YTHDF2: variants seen among roughly 807,000 people sequenced by gnomAD.
YTHDF2 encodes YTH domain-containing family protein 2.
A neutral mutation model predicts 50.4 loss-of-function variants in YTHDF2; 2 were observed. The ratio of observed to expected loss-of-function variants is 0.04; its 90% CI spans 0.02 to 0.12. The LOEUF (loss-of-function observed/expected upper bound fraction) is 0.12. YTHDF2 is among the 10% of genes least tolerant of loss of function. YTHDF2 has a pLI of 1.00. For missense variants in YTHDF2, 483 were observed against 722.6 expected (o/e 0.67, Z 3.80); for synonymous variants, 217 against 255.6 (o/e 0.85, Z 1.44).
intron 4 of YTHDF2, among the ~76,000 whole-genome samples, chr1:28,758,842 G>A (rs2088072901): frequency 1.3e-5 from 2 of 152,098 alleles, no homozygotes; most frequent in Admixed American, 6.6e-5. Context: ...GGGGAAGTAC[G>A]GTGGACCTGG....
chr1:28,753,487 G>A (rs1051361114), intron 4 of YTHDF2, among the ~76,000 whole-genome samples: 109 of 150,518 alleles, frequency 7.2e-4, no homozygotes, highest in African/African-American at 2.3e-3. Context: ...CGTCAAGTCT[G>A]CAGTGAGTCA....
At chr1:28,760,965 C>A (rs2124201697) in intron 4 of YTHDF2, among the ~76,000 whole-genome samples, 1 of 152,232 alleles carries the variant, frequency 6.6e-6, no homozygotes, top group South Asian at 2.1e-4. Flanking sequence ...TTTGTTTACA[C>A]CGCATTACCA....
chr1:28,743,913 A>G lies in YTHDF2; in HGVS notation c.1643A>G (p.Lys548Arg), dbSNP rs367798965. ...KQVLKIIASY[K>R]HTTSIFDDFS... is the part of the protein sequence containing the mutation. Reference sequence around the variant, plus strand: ...GTGTTGAAAATTATAGCCAGCTACAAGCACACCACTTCCATTTTTGATGAC... The same window carrying G: ...GTGTTGAAAATTATAGCCAGCTACAGGCACACCACTTCCATTTTTGATGAC... Residue 548 changes from lysine to arginine, a missense_variant, in exon 4 of 5, where the codon AAG (lysine) becomes AGG (arginine). This residue lies in a region of YTHDF2 where 38 missense variants were observed against 60.1 expected (regional missense o/e 0.63). Coordinates refer to ENST00000373812, the MANE Select transcript of YTHDF2 (RefSeq NM_016258.3). This position sits in a 1 kb window ranked among gnomAD's most constrained non-coding sequence, Gnocchi z 6.9. 245 of 1,598,930 alleles carry G rather than the reference A, an allele frequency of 1.5e-4. No individual in the cohort carries two copies. The highest frequency in any genetic ancestry group is 2.1e-4 in the Non-Finnish European group (241 of 1,174,308).
intron 4 of YTHDF2, among the ~76,000 whole-genome samples, chr1:28,763,300 G>A (rs2088161917): frequency 6.6e-6 from 1 of 151,682 alleles, no homozygotes; most frequent in African/African-American, 2.4e-5. Context: ...TTGAGACAGA[G>A]TTTTGCTCTT....
Position 28,769,411 on chromosome 1 carries a change from C to T in YTHDF2, c.*459C>T, listed in dbSNP as rs1257282325. 5 of 152,992 alleles carry T rather than the reference C, an allele frequency of 3.3e-5. No individual in the cohort carries two copies. Among genetic ancestry groups the T allele is most frequent in the Non-Finnish European group, 7.3e-5 (5 of 68,344 alleles). 9.5% of individuals were successfully genotyped at this position (152,992 alleles called of 1,614,324 possible). On this transcript the variant is annotated 3_prime_UTR_variant, in exon 5 of 5. Coordinates refer to ENST00000373812, the MANE Select transcript of YTHDF2 (RefSeq NM_016258.3). Reference sequence around the variant, plus strand: ...AAAGTGGGAATTTGATTTTATCCTTCCGAACTGGAAGAACATTTTTATGAA... The same window carrying T: ...AAAGTGGGAATTTGATTTTATCCTTTCGAACTGGAAGAACATTTTTATGAA...
intron 4 of YTHDF2, among the ~76,000 whole-genome samples, chr1:28,755,735 T>A (rs979444494): frequency 3.9e-5 from 6 of 152,178 alleles, no homozygotes; most frequent in African/African-American, 9.7e-5. Context: ...TATTCCTAAT[T>A]TGAAAATCTG....
rs199600184 is a variant in YTHDF2 at position 28,768,993 on chromosome 1, A to G, written c.*41A>G. On this transcript the variant is annotated 3_prime_UTR_variant, in exon 5 of 5. Transcript: ENST00000373812. Reference sequence around the variant, plus strand: ...AGACTGCAGCAACGGTTGCATCTGCATATCCTAAGAGGAAAAAATGACCTT... The same window carrying G: ...AGACTGCAGCAACGGTTGCATCTGCGTATCCTAAGAGGAAAAAATGACCTT... 8.9e-5 allele frequency: 136 copies of G among 1,528,592 alleles called. No homozygotes were observed. The highest frequency in any genetic ancestry group is 1.1e-4 in the Non-Finnish European group (125 of 1,132,650). The allele number at this position is 1,528,592 out of a possible 1,614,324, so 94.7% of individuals were successfully genotyped here.
intron 4 of YTHDF2, among the ~76,000 whole-genome samples, chr1:28,754,887 G>C (rs188098125): frequency 2.7e-5 from 4 of 145,466 alleles, no homozygotes; most frequent in African/African-American, 1.0e-4. Context: ...TGAGGGATGA[G>C]AATCACTTGA....
chr1:28,737,727 G>T, intron 2 of YTHDF2, 45 bp downstream of exon 2: 2 of 1,604,218 alleles, frequency 1.2e-6, no homozygotes, highest in South Asian at 1.1e-5. Context: ...AGGGGGACGC[G>T]GGGCGGTGGG....
chr1:28,747,073 ACT>A (rs971721536), intron 4 of YTHDF2, among the ~76,000 whole-genome samples: 4 of 150,974 alleles, frequency 2.6e-5, no homozygotes, highest in South Asian at 4.2e-4. Context: ...CAAGAGTGAA[ACT>A]CTGTCTCAAA....
intron 4 of YTHDF2, among the ~76,000 whole-genome samples, chr1:28,747,735 A>G (rs1388140990): frequency 6.6e-6 from 1 of 151,368 alleles, no homozygotes; most frequent in East Asian, 2.0e-4. Flanking sequence ...ACTCTTGATA[A>G]GTGAGTATCC....
At chr1:28,749,335 G>A (rs920854032) in intron 4 of YTHDF2, among the ~76,000 whole-genome samples, 2 of 151,876 alleles carry the variant, frequency 1.3e-5, no homozygotes, top group Non-Finnish European at 1.5e-5. Context: ...GGGACTACAG[G>A]CGTCCGGCTA....
At chr1:28,768,457 C>A (rs988647006) in intron 4 of YTHDF2, among the ~76,000 whole-genome samples, 1 of 151,802 alleles carries the variant, frequency 6.6e-6, no homozygotes, top group Non-Finnish European at 1.5e-5. Context: ...TTCTCCATAA[C>A]CCTGTGAGAT....
At chr1:28,751,445 A>G (rs1203148046) in intron 4 of YTHDF2, among the ~76,000 whole-genome samples, 1 of 152,190 alleles carries the variant, frequency 6.6e-6, no homozygotes, top group Non-Finnish European at 1.5e-5. Flanking sequence ...CAGGATGACA[A>G]ACATGAGCAT....
chr1:28,753,816 C>T (rs919744010), intron 4 of YTHDF2, among the ~76,000 whole-genome samples: 1 of 151,494 alleles, frequency 6.6e-6, no homozygotes, highest in African/African-American at 2.4e-5. Context: ...AAGCGATTCT[C>T]CTGCCTCAGC....
At chr1:28,737,931 C>G (rs902425269) in intron 2 of YTHDF2, 3 of 587,312 alleles carry the variant, frequency 5.1e-6, no homozygotes, top group Non-Finnish European at 9.0e-6. Flanking sequence ...CCTTAGTTTC[C>G]TGTAGGTCTT....
chr1:28,766,266 T>C (rs907707958), intron 4 of YTHDF2, among the ~76,000 whole-genome samples: 3 of 25,492 alleles, frequency 1.2e-4, no homozygotes, highest in Non-Finnish European at 2.7e-4. Context: ...TAATTTTGTG[T>C]GTGTGTATGT....
At chr1:28,753,386 A>C (rs1177849948) in intron 4 of YTHDF2, among the ~76,000 whole-genome samples, 1 of 143,090 alleles carries the variant, frequency 7.0e-6, no homozygotes. Flanking sequence ...AAAAAAAAAA[A>C]AAAAAAAAAA....
chr1:28,737,089 C>T lies in YTHDF2; in HGVS notation c.-32C>T. On this transcript the variant is annotated 5_prime_UTR_variant, in exon 1 of 5. Coordinates refer to ENST00000373812, the MANE Select transcript of YTHDF2 (RefSeq NM_016258.3). ...CCGCCGCCGCGCTGAGGAGAGTTCGCCGCCGTCGCCGCCCGTGAGGATCTG... is the reference window on the plus strand; with the variant it reads ...CCGCCGCCGCGCTGAGGAGAGTTCGTCGCCGTCGCCGCCCGTGAGGATCTG... 4 of 1,585,778 alleles carry T rather than the reference C, an allele frequency of 2.5e-6. No individual in the cohort carries two copies. Among genetic ancestry groups the T allele is most frequent in the South Asian group, 1.1e-5 (1 of 87,542 alleles).
Sources: allele counts gnomAD v4.1 joint callset (sites outside exome capture counted in the v4.1 genomes callset), GRCh38; gene constraint gnomAD v4.1.1; regional missense constraint gnomAD v4.1.1; non-coding constraint Gnocchi (gnomAD v3.1); transcripts MANE v1.5; gene names NCBI Gene and HGNC (gene_info 2026-07-23, HGNC 2026-07-21).